WDR72: variants seen among roughly 807,000 people sequenced by gnomAD.
WDR72 encodes WD repeat-containing protein 72.
Under a neutral mutation model 124.2 loss-of-function variants are expected in WDR72, and 120 were observed. That is an observed-to-expected ratio of 0.97 (90% confidence interval 0.83 to 1.12). WDR72 has a LOEUF of 1.12. Ranked by LOEUF, WDR72 falls within the 50% of genes most tolerant of loss-of-function variation. WDR72 has a pLI of 0.00. For missense variants in WDR72, 1,387 were observed against 1,278.8 expected (o/e 1.08, Z -1.29); for synonymous variants, 452 against 441.7 (o/e 1.02, Z -0.29).
chr15:53,600,745 C>A (rs1262491432), intron 17 of WDR72, among the ~76,000 whole-genome samples: 1 of 152,094 alleles, frequency 6.6e-6, no homozygotes, highest in South Asian at 2.1e-4. Context: ...CCTTTCCTGT[C>A]TTTAGGGTGT....
At chr15:53,563,439 A>G (rs952354314) in intron 18 of WDR72, among the ~76,000 whole-genome samples, 2 of 151,852 alleles carry the variant, frequency 1.3e-5, no homozygotes, top group East Asian at 3.9e-4. Flanking sequence ...CTGTTATAAA[A>G]TAGATATTTT....
At chr15:53,612,487 A>C (rs2013583188) in intron 16 of WDR72, among the ~76,000 whole-genome samples, 1 of 152,014 alleles carries the variant, frequency 6.6e-6, no homozygotes, top group African/African-American at 2.4e-5. Context: ...GAGCTATATG[A>C]AGGTCTAGGG....
intron 2 of WDR72, among the ~76,000 whole-genome samples, chr15:53,731,743 A>ACAGC (rs1335921159): frequency 6.6e-6 from 1 of 151,990 alleles, no homozygotes; most frequent in African/African-American, 2.4e-5. Flanking sequence ...ACTGCACTGT[A>ACAGC]ACCTCCTGGG....
intron 14 of WDR72, among the ~76,000 whole-genome samples, chr15:53,641,914 T>C (rs929963826): frequency 4.4e-4 from 67 of 152,024 alleles, no homozygotes; most frequent in African/African-American, 1.6e-3. Context: ...ATAAAGGTAA[T>C]GCTTTTCTTT....
At chr15:53,694,686 G>A (rs1020326068) in intron 13 of WDR72, among the ~76,000 whole-genome samples, 1 of 152,166 alleles carries the variant, frequency 6.6e-6, no homozygotes, top group East Asian at 1.9e-4. Context: ...TCTAGTGCCT[G>A]TGCCAACACC....
intron 14 of WDR72, among the ~76,000 whole-genome samples, chr15:53,655,677 T>A (rs1471705549): frequency 6.6e-6 from 1 of 151,564 alleles, no homozygotes; most frequent in African/African-American, 2.4e-5. Flanking sequence ...AAGAAAGTAA[T>A]GAAGGTGAGC....
intron 18 of WDR72, among the ~76,000 whole-genome samples, chr15:53,589,008 T>C (rs1379399189): frequency 6.6e-6 from 1 of 151,772 alleles, no homozygotes; most frequent in East Asian, 1.9e-4. Context: ...GAGGAAACAA[T>C]GTTTGAGGCA....
chr15:53,722,979 AT>A, intron 2 of WDR72, 71 bp from the exon 3 acceptor site: 1 of 1,372,442 alleles, frequency 7.3e-7, no homozygotes. Flanking sequence ...ACAATATAGT[AT>A]TCATAACTCT....
At chr15:53,556,359 A>C (rs1168332304) in intron 18 of WDR72, among the ~76,000 whole-genome samples, 1 of 152,110 alleles carries the variant, frequency 6.6e-6, no homozygotes, top group East Asian at 1.9e-4. Flanking sequence ...TTTAGTTTTC[A>C]TTCTGTTGCA....
At chr15:53,519,827 A>G (rs996990887) in intron 19 of WDR72, among the ~76,000 whole-genome samples, 2 of 152,074 alleles carry the variant, frequency 1.3e-5, no homozygotes, top group African/African-American at 4.8e-5. Context: ...TGTGACCTAT[A>G]TGCAGACTGC....
At chr15:53,584,376 G>A (rs893303979) in intron 18 of WDR72, among the ~76,000 whole-genome samples, 1 of 151,858 alleles carries the variant, frequency 6.6e-6, no homozygotes, top group Non-Finnish European at 1.5e-5. Context: ...GGTGTTGTTT[G>A]GTCTAAAAGC....
chr15:53,529,067 A>G (rs112010407), intron 18 of WDR72, among the ~76,000 whole-genome samples: 1,667 of 151,188 alleles, frequency 0.011, 35 homozygotes, highest in African/African-American at 0.039. Flanking sequence ...TATTAATGCC[A>G]AAAGGAAGTC....
At chr15:53,744,499 C>A (rs964136659) in intron 1 of WDR72, among the ~76,000 whole-genome samples, 5 of 152,112 alleles carry the variant, frequency 3.3e-5, no homozygotes, top group Non-Finnish European at 7.4e-5. Flanking sequence ...GTGAAAATTT[C>A]TTTAAATAAT....
At chr15:53,538,345 T>C (rs1004513815) in intron 18 of WDR72, among the ~76,000 whole-genome samples, 3 of 152,200 alleles carry the variant, frequency 2.0e-5, no homozygotes, top group Admixed American at 1.3e-4. Context: ...GGTTCTTGAT[T>C]GCTGCTTTTT....
chr15:53,567,731 CT>C (rs1385981349), intron 18 of WDR72, among the ~76,000 whole-genome samples: 1 of 151,712 alleles, frequency 6.6e-6, no homozygotes, highest in African/African-American at 2.4e-5. Context: ...GAACAAAAGC[CT>C]TGAAAATTAT....
chr15:53,630,181 G>T (rs1016641251), intron 14 of WDR72, among the ~76,000 whole-genome samples: 1 of 152,144 alleles, frequency 6.6e-6, no homozygotes, highest in Non-Finnish European at 1.5e-5. Flanking sequence ...AAGTGGAACA[G>T]ACCTATACCA....
At chr15:53,711,036 G>T (rs936483410) in intron 8 of WDR72, 83 bp from the exon 9 acceptor site, 1 of 1,175,024 alleles carries the variant, frequency 8.5e-7, no homozygotes, top group Non-Finnish European at 1.2e-6. Context: ...TTCAAAAGCC[G>T]GATGGTACCG....
intron 18 of WDR72, among the ~76,000 whole-genome samples, chr15:53,554,545 A>C (rs918738181): frequency 6.6e-6 from 1 of 152,116 alleles, no homozygotes; most frequent in Non-Finnish European, 1.5e-5. Context: ...TGTTGCAAAA[A>C]TTTTGCTTTG....
chr15:53,517,879 A>G, intron 19 of WDR72, 125 bp from the exon 20 acceptor site: 1 of 895,376 alleles, frequency 1.1e-6, no homozygotes, highest in South Asian at 1.4e-5. Context: ...AAGGGAGAGA[A>G]TGAGGAAAAA....
Sources: allele counts gnomAD v4.1 joint callset (sites outside exome capture counted in the v4.1 genomes callset), GRCh38; gene constraint gnomAD v4.1.1; transcripts MANE v1.5; gene names NCBI Gene and HGNC (gene_info 2026-07-23, HGNC 2026-07-21).